Variants in ABCB7 observed in about 807,000 individuals in gnomAD.
ABCB7 encodes iron-sulfur clusters transporter ABCB7, mitochondrial.
In ABCB7, 7 loss-of-function variants were observed where a neutral mutation model predicts 54.4. The ratio of observed to expected loss-of-function variants is 0.13; its 90% CI spans 0.07 to 0.24. The LOEUF is 0.24. Ranked by LOEUF, ABCB7 falls within the 10% of genes least tolerant of loss-of-function variation. ABCB7 has a pLI of 1.00. For synonymous variants in ABCB7, 218 were observed against 207.1 expected (o/e 1.05, Z -0.45); for missense variants, 356 against 570.4 (o/e 0.62, Z 3.83).
chrX:75,114,752 A>C lies in ABCB7; in HGVS notation c.246+2T>G. ...TATGTAGACATGTTTGCTCAATCTT[A>C]CCTTTGCAGCATCTAAGAACTGTCC... On this transcript the variant is annotated splice_donor_variant, in intron 2 of 15. Coordinates refer to ENST00000373394, the MANE Select transcript of ABCB7 (RefSeq NM_001271696.3). LOFTEE classifies it high-confidence loss of function. 1 of 1,196,911 alleles carries C rather than the reference A, an allele frequency of 8.4e-7. No homozygotes were observed. The highest frequency in any genetic ancestry group is 1.8e-5 in the South Asian group (1 of 56,568).
At chrX:75,095,213 T>C (rs1172863517) in intron 4 of ABCB7, among the ~76,000 whole-genome samples, 2 of 111,776 alleles carry the variant, frequency 1.8e-5, no homozygotes, top group African/African-American at 3.3e-5. Context: ...ATGATACCAC[T>C]ACAGCCATGC....
intron 15 of ABCB7, among the ~76,000 whole-genome samples, chrX:75,054,906 C>T (rs974018699): frequency 9.0e-5 from 10 of 111,016 alleles, no homozygotes; most frequent in Non-Finnish European, 1.7e-4. Context: ...TTACTTTCTA[C>T]GGCAAAAACC....
intron 1 of ABCB7, among the ~76,000 whole-genome samples, chrX:75,150,152 T>A (rs2082120739): frequency 9.0e-6 from 1 of 111,136 alleles, no homozygotes; most frequent in Non-Finnish European, 1.9e-5. Context: ...CATAAAGTAA[T>A]AAGGGTCTAA....
chrX:75,138,313 T>C (rs1478593038), intron 1 of ABCB7, among the ~76,000 whole-genome samples: 3 of 112,389 alleles, frequency 2.7e-5, no homozygotes, highest in Non-Finnish European at 5.6e-5. Context: ...TACATATTTA[T>C]GTGTGTATAC....
intron 4 of ABCB7, among the ~76,000 whole-genome samples, chrX:75,085,227 ACT>A (rs1227471225): frequency 1.8e-5 from 2 of 112,114 alleles, no homozygotes; most frequent in Non-Finnish European, 1.9e-5. Context: ...GAATGGACAA[ACT>A]CTGTTATATC....
intron 3 of ABCB7, among the ~76,000 whole-genome samples, chrX:75,106,779 G>C (rs995210027): frequency 1.8e-5 from 2 of 111,359 alleles, no homozygotes; most frequent in Admixed American, 9.5e-5. Flanking sequence ...AAGAATATGT[G>C]GTATAGAGTA....
At chrX:75,144,905 G>A (rs1455530737) in intron 1 of ABCB7, among the ~76,000 whole-genome samples, 3 of 110,481 alleles carry the variant, frequency 2.7e-5, no homozygotes, top group Non-Finnish European at 5.7e-5. Flanking sequence ...ATACTTCCAG[G>A]AATGCTTTAT....
intron 1 of ABCB7, among the ~76,000 whole-genome samples, chrX:75,128,448 T>A (rs2081950547): frequency 9.0e-6 from 1 of 111,303 alleles, no homozygotes; most frequent in African/African-American, 3.3e-5. Context: ...AAAAATTAAC[T>A]CAAAATGGAT....
chrX:75,124,110 G>A (rs2081904487), intron 1 of ABCB7, among the ~76,000 whole-genome samples: 2 of 111,933 alleles, frequency 1.8e-5, no homozygotes, highest in Admixed American at 9.5e-5. Context: ...GCTGACCCCT[G>A]CTCTAAATAA....
Position 75,125,914 on chromosome X carries a change from T to C in ABCB7, c.169-11083A>G, listed in dbSNP as rs4148835. On this transcript the variant is annotated intron_variant, in intron 1 of 15. Transcript: ENST00000373394. ...GCTCCCTCTCATTTTTCTTCAGGTC[T>C]ACATGAGCCCTGAAAACCTGTCAGT... Among the ~76,000 whole-genome samples the C allele has an allele frequency of 1.2e-4, 13 of 111,557 alleles. No individual in the cohort carries two copies. The East Asian group carries it at 3.7e-3, about 31-fold the overall frequency.
intron 1 of ABCB7, among the ~76,000 whole-genome samples, chrX:75,141,230 C>G (rs1299507544): frequency 3.6e-5 from 4 of 111,769 alleles, no homozygotes; most frequent in Non-Finnish European, 7.5e-5. Context: ...TAATTGGGCT[C>G]AAACTACATA....
chrX:75,117,700 C>T (rs928566216), intron 1 of ABCB7, among the ~76,000 whole-genome samples: 3 of 111,524 alleles, frequency 2.7e-5, no homozygotes, highest in Non-Finnish European at 3.8e-5. Flanking sequence ...TAGGCATGTA[C>T]AGGACCATGG....
At chrX:75,102,075 T>C (rs922802664) in intron 3 of ABCB7, among the ~76,000 whole-genome samples, 10 of 111,349 alleles carry the variant, frequency 9.0e-5, no homozygotes, top group Non-Finnish European at 3.8e-5. Context: ...CATAATATTT[T>C]ACATATTTAT....
intron 4 of ABCB7, among the ~76,000 whole-genome samples, chrX:75,081,587 T>C (rs936037436): frequency 8.9e-6 from 1 of 111,950 alleles, no homozygotes; most frequent in Non-Finnish European, 1.9e-5. Flanking sequence ...ACATCAACCA[T>C]CTCTTAGGAA....
At chrX:75,116,088 CTTA>C (rs1303416167) in intron 1 of ABCB7, among the ~76,000 whole-genome samples, 1 of 111,682 alleles carries the variant, frequency 9.0e-6, no homozygotes, top group African/African-American at 3.3e-5. Context: ...ATCTCCTTCC[CTTA>C]TTAAGTCTTT....
chrX:75,156,279 C>T lies in ABCB7; in HGVS notation c.-7G>A. Reference sequence around the variant, plus strand: ...GCATCGCGAGCAGCGCCATCTTGAGCGAGGAAAGAGGAACCGAGAGAAGAG... The same window carrying T: ...GCATCGCGAGCAGCGCCATCTTGAGTGAGGAAAGAGGAACCGAGAGAAGAG... On this transcript the variant is annotated 5_prime_UTR_variant, in exon 1 of 16. Transcript: ENST00000373394. 3.3e-6 allele frequency: 4 copies of T among 1,200,971 alleles called. No individual in the cohort carries two copies. The highest frequency in any genetic ancestry group is 1.8e-5 in the South Asian group (1 of 55,370).
chrX:75,117,600 G>C (rs1404759953), intron 1 of ABCB7, among the ~76,000 whole-genome samples: 4 of 111,334 alleles, frequency 3.6e-5, no homozygotes, highest in Admixed American at 9.5e-5. Context: ...TCTCAGCTGA[G>C]AACAGGTTTG....
intron 1 of ABCB7, among the ~76,000 whole-genome samples, chrX:75,134,454 C>T (rs1157640730): frequency 9.0e-6 from 1 of 111,581 alleles, no homozygotes; most frequent in Non-Finnish European, 1.9e-5. Flanking sequence ...CGGGACTTAA[C>T]CTCGCACTTG....
intron 3 of ABCB7, among the ~76,000 whole-genome samples, chrX:75,102,987 T>A (rs746090837): frequency 4.5e-5 from 5 of 111,487 alleles, no homozygotes; most frequent in Admixed American, 9.5e-5. Context: ...GATTTTTTTA[T>A]TATTGAGTTG....
Sources: allele counts gnomAD v4.1 joint callset (sites outside exome capture counted in the v4.1 genomes callset), GRCh38; gene constraint gnomAD v4.1.1; transcripts MANE v1.5; gene names NCBI Gene and HGNC (gene_info 2026-07-23, HGNC 2026-07-21).